Variants in APPL2 observed in about 807,000 individuals in gnomAD.
APPL2 encodes the protein DCC-interacting protein 13-beta.
APPL2 carries 84 observed loss-of-function variants against 92.7 expected under a neutral mutation model. The ratio of observed to expected loss-of-function variants is 0.91; its 90% confidence interval spans 0.76 to 1.09. The LOEUF is 1.09. Among genes scored for constraint, APPL2 ranks in the 50% least tolerant of loss-of-function variants. APPL2 has a pLI of 0.00. For synonymous variants in APPL2, 291 were observed against 291.0 expected, an observed-to-expected ratio of 1.00 and a Z score of 0.00; for missense variants, 736 against 824.5, an observed-to-expected ratio of 0.89 and a Z score of 1.31.
chr12:105,217,284 G>A (rs1359351394), intron 3 of APPL2, 144 bp from the exon 4 acceptor site: 3 of 603,586 alleles, frequency 5.0e-6, no homozygotes, highest in Non-Finnish European at 5.8e-6. Context: ...ACCTGAAGAG[G>A]GAGTCACAGC....
intron 19 of APPL2, chr12:105,176,443 A>C (rs1471059789): frequency 8.8e-6 from 4 of 452,894 alleles, no homozygotes; most frequent in Non-Finnish European, 1.5e-5. Context: ...AATTGTGATA[A>C]ATTCTAAGTA....
intron 1 of APPL2, chr12:105,229,808 C>T (rs988719471): frequency 4.0e-5 from 39 of 979,518 alleles, no homozygotes; most frequent in African/African-American, 1.8e-4. Context: ...GATGGAGTTT[C>T]GCTCTTGTTG....
intron 1 of APPL2, among the ~76,000 whole-genome samples, chr12:105,232,927 T>C (rs1227206033): frequency 2.0e-5 from 3 of 152,136 alleles, no homozygotes; most frequent in Admixed American, 2.0e-4. Context: ...CTGATTTGGT[T>C]GGAGAGGGCT....
rs186172407 is a variant in APPL2 at position 105,228,685 on chromosome 12, G to A, written c.153+440C>T. 6.7e-3 allele frequency among the ~76,000 whole-genome samples: 1,013 copies of A among 152,252 alleles called. 10 individuals carry two copies. The highest frequency in any genetic ancestry group is 0.022 in the African/African-American group (931 of 41,554). ...TGTTCCACAAACAAAGAAGCCACCC[G>A]ATAGTTTCAGAACTGTGACTCAAGT... On this transcript the variant is annotated intron_variant, in intron 2 of 20. Coordinates refer to ENST00000258530, the MANE Select transcript of APPL2 (RefSeq NM_018171.5).
intron 17 of APPL2, among the ~76,000 whole-genome samples, chr12:105,183,923 T>C (rs898358692): frequency 6.6e-6 from 1 of 152,234 alleles, no homozygotes; most frequent in Admixed American, 6.5e-5. Flanking sequence ...TCTTTTCACA[T>C]AGTCCCATAT....
At chr12:105,231,061 C>T (rs1415582076) in intron 1 of APPL2, among the ~76,000 whole-genome samples, 1 of 152,128 alleles carries the variant, frequency 6.6e-6, no homozygotes, top group Non-Finnish European at 1.5e-5. Context: ...GTGGCTTTTT[C>T]CTATTTTAGT....
chr12:105,224,051 C>CCCAT (rs1890318591), intron 2 of APPL2, among the ~76,000 whole-genome samples: 1 of 152,152 alleles, frequency 6.6e-6, no homozygotes, highest in South Asian at 2.1e-4. Flanking sequence ...GTGAGCCTCA[C>CCCAT]CCAGAATAAT....
chr12:105,190,274 C>T, intron 14 of APPL2, 119 bp from the exon 15 acceptor site: 2 of 1,093,164 alleles, frequency 1.8e-6, no homozygotes, highest in South Asian at 1.6e-5. Context: ...GACCTCAATC[C>T]CTTAATCCAT....
At chr12:105,214,045 C>T (rs1208075795) in intron 4 of APPL2, among the ~76,000 whole-genome samples, 3 of 151,982 alleles carry the variant, frequency 2.0e-5, no homozygotes, top group African/African-American at 7.3e-5. Context: ...ATTGGCCGGG[C>T]GTGGTGGTGC....
At chr12:105,189,652 A>C (rs1276747947) in intron 16 of APPL2, 120 bp downstream of exon 16, 9 of 1,183,488 alleles carry the variant, frequency 7.6e-6, no homozygotes, top group Non-Finnish European at 1.1e-5. Context: ...CTTTCAGAAC[A>C]ACAAATCTTA....
Position 105,211,256 on chromosome 12 carries a change from A to G in APPL2, c.347T>C (p.Ile116Thr). ...TGTGAGATCCTTTTCTCGGAATTGT[A>G]TGATAGGTAGAACCATTGTGTCTGC... The part of the protein sequence containing the change: ...QLADTMVLPI[I>T]QFREKDLTEV... Residue 116 changes from isoleucine (I) to threonine (T), a missense_variant, in exon 5 of 21, where the codon ATA becomes ACA. Physicochemically the swap from Ile to Thr is moderately conservative, Grantham distance 89. Transcript: ENST00000258530. 2 of 1,613,930 alleles carry G rather than the reference A, an allele frequency of 1.2e-6. No individual in the cohort carries two copies. The highest frequency in any genetic ancestry group is 1.1e-5 in the South Asian group (1 of 91,064).
chr12:105,212,547 C>A lies in APPL2; in HGVS notation c.286-1230G>T, dbSNP rs879129. Reference sequence around the variant, plus strand: ...TCTAAGATTCGTTTACTTTCCACTACATAGCCTGGGATACAGAATTTGTCC... The same window carrying A: ...TCTAAGATTCGTTTACTTTCCACTAAATAGCCTGGGATACAGAATTTGTCC... On this transcript the variant is annotated intron_variant, in intron 4 of 20. Transcript: ENST00000258530. Among the ~76,000 whole-genome samples, 977 of 152,300 alleles carry A rather than the reference C, an allele frequency of 6.4e-3. 17 individuals are homozygous for A. The highest frequency in any genetic ancestry group is 0.022 in the African/African-American group (916 of 41,546).
chr12:105,195,381 C>T, intron 13 of APPL2, 32 bp from the exon 14 acceptor site: 1 of 1,614,096 alleles, frequency 6.2e-7, no homozygotes, highest in South Asian at 1.1e-5. Context: ...CACTCAGTCC[C>T]AGGAGGTGGA....
intron 1 of APPL2, among the ~76,000 whole-genome samples, chr12:105,232,798 A>G (rs1047328604): frequency 7.4e-5 from 11 of 148,944 alleles, no homozygotes; most frequent in African/African-American, 2.7e-4. Context: ...AACCAAGTCT[A>G]TTGAAAGGAA....
At chr12:105,218,087 G>A (rs572816451) in intron 2 of APPL2, among the ~76,000 whole-genome samples, 2 of 151,810 alleles carry the variant, frequency 1.3e-5, no homozygotes, top group African/African-American at 4.8e-5. Flanking sequence ...TAGCCTGGGT[G>A]ACAGAGTGAG....
rs755889227 is a variant in APPL2, at chr12:105,197,774, T to C, written c.1043A>G (p.Asn348Ser). 4.3e-6 allele frequency: 7 copies of C among 1,614,098 alleles called. No homozygotes were observed. The highest frequency in any genetic ancestry group is 1.1e-5 in the South Asian group (1 of 91,086). The change falls in exon 11 of 21, where the codon AAT becomes AGT. Residue 348 changes from asparagine to serine, a missense_variant. Coordinates refer to ENST00000258530, the MANE Select transcript of APPL2 (RefSeq NM_018171.5). ...RRYCFQITTP[N>S]GKSGIILQAE... ...AACGCGTGAAACATACGATTTTCCA[T>C]TGGGCGTGGTGATCTGGAAGCAGTA...
At chr12:105,207,854 A>G (rs1888867061) in intron 7 of APPL2, 117 bp downstream of exon 7, 1 of 853,982 alleles carries the variant, frequency 1.2e-6, no homozygotes, top group Non-Finnish European at 1.9e-6. Flanking sequence ...TTAAAAGTCC[A>G]TGTATAGTTA....
Position 105,174,459 on chromosome 12 carries a change from G to A in APPL2, c.1861-11C>T. The A allele has an allele frequency of 6.2e-7, 1 of 1,609,600 alleles. No individual in the cohort carries two copies. Among genetic ancestry groups the A allele is most frequent in the Non-Finnish European group, 8.5e-7 (1 of 1,178,452 alleles). ...CAGTGCTTCTGGATCCTGAAGTTAGGAGAGTTTAAAAGGGAAAAAAGAAAA... is the reference window on the plus strand; with the variant it reads ...CAGTGCTTCTGGATCCTGAAGTTAGAAGAGTTTAAAAGGGAAAAAAGAAAA... On this transcript the variant is annotated splice_polypyrimidine_tract_variant and intron_variant, in intron 20 of 20. Coordinates refer to ENST00000258530, the MANE Select transcript of APPL2 (RefSeq NM_018171.5).
rs139540039 is a variant in APPL2 at position 105,186,447 on chromosome 12, C to T, written c.1634+1826G>A. Reference sequence around the variant, plus strand: ...CGAAAAGGACTGCTATGAACATTTGCGTATAAGTTTTTGTTTGAACACCTG... The same window carrying T: ...CGAAAAGGACTGCTATGAACATTTGTGTATAAGTTTTTGTTTGAACACCTG... On this transcript the variant is annotated intron_variant, in intron 17 of 20. Coordinates refer to ENST00000258530, the MANE Select transcript of APPL2 (RefSeq NM_018171.5). Among the ~76,000 whole-genome samples, 645 of 151,912 alleles carry T rather than the reference C, an allele frequency of 4.2e-3. 5 individuals are homozygous for T. Among genetic ancestry groups the T allele is most frequent in the Non-Finnish European group, 5.9e-3 (404 of 67,972 alleles).
Sources: gnomAD v4.1 joint callset for allele counts (sites outside exome capture counted in the v4.1 genomes callset) on GRCh38, gnomAD v4.1.1 for gene constraint, MANE v1.5 for transcripts, NCBI Gene and HGNC (gene_info 2026-07-23, HGNC 2026-07-21) for gene names.